The following SUN1 variants were observed in gnomAD, a reference collection of about 807,000 sequenced individuals.
SUN1 encodes SUN domain-containing protein 1.
SUN1 carries 61 observed loss-of-function variants against 103.2 expected under a neutral mutation model. The observed-to-expected ratio is 0.59, with a 90% confidence interval of 0.48 to 0.73. SUN1 has a LOEUF of 0.73. Among genes scored for constraint, SUN1 ranks in the 30% least tolerant of loss-of-function variants. The probability of loss-of-function intolerance (pLI) is 0.00; values close to 1 mark genes in which losing one functional copy is unlikely to be tolerated. For missense variants in SUN1, 1,052 were observed against 1,034.6 expected (o/e 1.02, Z -0.23); for synonymous variants, 490 against 425.7 (o/e 1.15, Z -1.86).
At chr7:851,529 C>T in intron 6 of SUN1, 47 bp downstream of exon 6, 2 of 1,467,490 alleles carry the variant, frequency 1.4e-6, no homozygotes, top group Non-Finnish European at 9.2e-7. Flanking sequence ...GAGCTTCTGG[C>T]AGCTAAGCAC....
chr7:821,158 CTTTTTTTT>C (rs71546461), intron 1 of SUN1, among the ~76,000 whole-genome samples: 178 of 68,976 alleles, frequency 2.6e-3, no homozygotes, highest in Non-Finnish European at 4.6e-3. Flanking sequence ...TTCAGCACAT[CTTTTTTTT>C]TTTTTTTTTT....
intron 5 of SUN1, among the ~76,000 whole-genome samples, chr7:848,240 C>T (rs1818435626): frequency 6.6e-6 from 1 of 152,164 alleles, no homozygotes; most frequent in African/African-American, 2.4e-5. Context: ...CTGGGGGTTG[C>T]TCCGCAGCAC....
intron 16 of SUN1, among the ~76,000 whole-genome samples, chr7:867,155 C>T (rs560407396): frequency 3.3e-5 from 5 of 152,312 alleles, no homozygotes; most frequent in South Asian, 2.1e-4. Context: ...CGGAACTGTC[C>T]GGTCAGCGTG....
chr7:869,154 A>T, intron 16 of SUN1, 195 bp from the exon 17 acceptor site: 1 of 659,746 alleles, frequency 1.5e-6, no homozygotes, highest in Non-Finnish European at 2.6e-6. Context: ...TATACAACAT[A>T]TGGGTTGGAG....
intron 1 of SUN1, among the ~76,000 whole-genome samples, chr7:822,369 T>A (rs1787027837): frequency 6.6e-6 from 1 of 152,214 alleles, no homozygotes; most frequent in African/African-American, 2.4e-5. Context: ...CGGTAACATC[T>A]GTGTGACAGA....
chr7:820,802 A>C (rs766807534), intron 1 of SUN1, among the ~76,000 whole-genome samples: 2 of 152,226 alleles, frequency 1.3e-5, no homozygotes, highest in Non-Finnish European at 2.9e-5. Context: ...TGAGATGATC[A>C]CATGGCTTTG....
rs1010005265 is a variant in SUN1 at position 868,992 on chromosome 7, G to A, written c.1981-357G>A. On this transcript the variant is annotated intron_variant, in intron 16 of 18. Transcript: ENST00000401592. Reference sequence around the variant, plus strand: ...CCCTGTGGTGTTGGTCGGATGGGGGGACAGTGCTGGTTCCCTGTGGTGGTG... The same window carrying A: ...CCCTGTGGTGTTGGTCGGATGGGGGAACAGTGCTGGTTCCCTGTGGTGGTG... 229 of 341,438 alleles carry A rather than the reference G, an allele frequency of 6.7e-4. 4 individuals carry two copies. Among genetic ancestry groups the A allele is most frequent in the Admixed American group, 3.4e-4 (8 of 23,262 alleles). The allele number at this position is 341,438 out of a possible 1,614,324, so 21.2% of individuals were successfully genotyped here. A position where few individuals can be genotyped will look rare whatever the true frequency, so the allele number is the denominator to read the frequency against.
chr7:860,746 G>C (rs1057218457), intron 14 of SUN1, among the ~76,000 whole-genome samples: 4 of 152,208 alleles, frequency 2.6e-5, no homozygotes, highest in Admixed American at 6.5e-5. Flanking sequence ...ATTTAGAAAG[G>C]ATCATTGACT....
chr7:868,999 C>T (rs1417001121), intron 16 of SUN1: 2 of 349,850 alleles, frequency 5.7e-6, no homozygotes, highest in Non-Finnish European at 1.1e-5. Flanking sequence ...GGGGACAGTG[C>T]TGGTTCCCTG....
chr7:868,175 C>A (rs1027589100), intron 16 of SUN1, among the ~76,000 whole-genome samples: 17 of 152,254 alleles, frequency 1.1e-4, no homozygotes, highest in Admixed American at 3.9e-4. Flanking sequence ...GTCGTCCTCA[C>A]ACACTGAAGG....
intron 13 of SUN1, among the ~76,000 whole-genome samples, chr7:859,704 G>T (rs990391789): frequency 1.3e-5 from 2 of 152,206 alleles, no homozygotes; most frequent in African/African-American, 2.4e-5. Flanking sequence ...ATAACATGGG[G>T]TGTATTTAGC....
Position 849,582 on chromosome 7 carries a change from A to G in SUN1, c.659-1802A>G, listed in dbSNP as rs1196785366. On this transcript the variant is annotated intron_variant, in intron 5 of 18. Coordinates refer to ENST00000401592, the MANE Select transcript of SUN1 (RefSeq NM_001130965.3). ...GGTTCTCAGAGAGGATGGCCACCTC[A>G]GTGTAAATGGGGAAGCGCTGTGTAA... The G allele has an allele frequency of 3.5e-6, 5 of 1,436,310 alleles. No homozygotes were observed. The African/African-American group carries it at 7.1e-5, about 20-fold the overall frequency. The allele number at this position is 1,436,310 out of a possible 1,614,324, so 89.0% of individuals were successfully genotyped here.
chr7:852,486 C>T (rs931628738), intron 7 of SUN1, 123 bp from the exon 8 acceptor site: 28 of 1,181,446 alleles, frequency 2.4e-5, no homozygotes, highest in Non-Finnish European at 3.2e-5. Context: ...TAGATAAAAC[C>T]GTAACTGCTT....
chr7:828,157 C>T (rs1479193069), upstream of SUN1, among the ~76,000 whole-genome samples: 1 of 151,466 alleles, frequency 6.6e-6, no homozygotes, highest in African/African-American at 2.4e-5. Flanking sequence ...ACCCACCTCG[C>T]CCTCCCAAAG....
intron 5 of SUN1, chr7:850,371 T>C: frequency 4.2e-6 from 1 of 236,460 alleles, no homozygotes; most frequent in East Asian, 1.0e-4. Flanking sequence ...GATAATTTTT[T>C]TGTATTTTTA....
intron 15 of SUN1, among the ~76,000 whole-genome samples, chr7:861,947 G>C (rs979386641): frequency 3.3e-5 from 5 of 152,222 alleles, no homozygotes; most frequent in African/African-American, 9.6e-5. Flanking sequence ...CCCTGCAGGG[G>C]CACAAGCCTA....
In SUN1 at chr7:832,534, T is replaced by G. The variant is rs1798904311; in HGVS notation, c.10T>G (p.Ser4Ala). 6.2e-7 allele frequency: 1 copy of G among 1,613,296 alleles called. No homozygotes were observed. The highest frequency in any genetic ancestry group is 8.5e-7 in the Non-Finnish European group (1 of 1,179,658). Residue 4 changes from serine (S) to alanine (A), a missense_variant, in exon 1 of 19, where the codon TCT (serine) becomes GCT (alanine). Physicochemically the swap from Ser to Ala is moderately conservative, Grantham distance 99. Transcript: ENST00000401592. Reference sequence around the variant, plus strand: ...GTTTGAAGTGGTGAACATGGATTTTTCTCGGCTTCACATGTACAGTCCTCC... The same window carrying G: ...GTTTGAAGTGGTGAACATGGATTTTGCTCGGCTTCACATGTACAGTCCTCC... MDF[S>A]RLHMYSPPQC...
chr7:832,105 G>T, upstream of SUN1: 2 of 1,011,630 alleles, frequency 2.0e-6, no homozygotes, highest in Non-Finnish European at 2.4e-6. Context: ...GTAGCAGGTA[G>T]TTCTATTTTA....
intron 3 of SUN1, chr7:842,373 C>T (rs1434230394): frequency 3.8e-6 from 2 of 529,054 alleles, no homozygotes; most frequent in Non-Finnish European, 6.9e-6. Flanking sequence ...TGCGCCTTGT[C>T]GGGTGGTCAT....
Sources: gnomAD v4.1 joint callset for allele counts (sites outside exome capture counted in the v4.1 genomes callset) on GRCh38, gnomAD v4.1.1 for gene constraint, MANE v1.5 for transcripts, NCBI Gene and HGNC (gene_info 2026-07-23, HGNC 2026-07-21) for gene names.